Variants in PDCL3 observed in about 807,000 individuals in gnomAD.
PDCL3 encodes the protein phosducin like 3.
PDCL3 carries 22 observed loss-of-function variants against 26.5 expected under a neutral mutation model. That is an observed-to-expected ratio of 0.83 (90% confidence interval 0.59 to 1.19). The LOEUF (loss-of-function observed/expected upper bound fraction) is 1.19, where lower values mean the gene tolerates loss of function less well. Among genes scored for constraint, PDCL3 ranks in the 50% most tolerant of loss-of-function variants. The probability of loss-of-function intolerance (pLI) is 0.00; values close to 1 mark genes in which losing one functional copy is unlikely to be tolerated. For synonymous variants in PDCL3, 81 were observed against 104.9 expected (o/e 0.77, Z 1.39); for missense variants, 246 against 294.1 (o/e 0.84, Z 1.20).
rs1241931414 is a variant in PDCL3 at position 100,576,495 on chromosome 2, G to A, written c.719G>A (p.Ter240=). The stretch of plus-strand genomic sequence containing the variant: ...AGGGACAGCGATTCCGAGGGTGACT[G>A]AGGCTACAGCTTCTATCACATGCCG... ...MKRDSDSEGD[*] is the part of the protein sequence containing the mutation. The change falls in exon 6 of 6, where the codon TGA becomes TAA. Residue 240 remains the stop codon, a stop_retained_variant. Transcript: ENST00000264254. 2 of 1,600,858 alleles carry A rather than the reference G, an allele frequency of 1.2e-6. No individual in the cohort carries two copies.
chr2:100,567,306 C>T (rs573104820), intron 2 of PDCL3, among the ~76,000 whole-genome samples: 1 of 152,296 alleles, frequency 6.6e-6, no homozygotes, highest in African/African-American at 2.4e-5. Flanking sequence ...GTGCTTACTG[C>T]ATGATTATCA....
chr2:100,566,667 A>G, intron 2 of PDCL3, 38 bp downstream of exon 2: 2 of 1,610,396 alleles, frequency 1.2e-6, no homozygotes, highest in Non-Finnish European at 1.7e-6. Context: ...TGTCTGGGTT[A>G]GGAGATGGCT....
chr2:100,571,169 C>T (rs1008151569), intron 4 of PDCL3, among the ~76,000 whole-genome samples: 6 of 151,238 alleles, frequency 4.0e-5, no homozygotes, highest in Non-Finnish European at 8.8e-5. Context: ...GTAATCACAC[C>T]TCCCGAGTAG....
At chr2:100,567,063 G>C (rs1433403562) in intron 2 of PDCL3, among the ~76,000 whole-genome samples, 1 of 152,148 alleles carries the variant, frequency 6.6e-6, no homozygotes, top group Non-Finnish European at 1.5e-5. Context: ...CTCAAAGGCA[G>C]TTGTACTGTC....
Position 100,563,017 on chromosome 2 carries a change from G to A in PDCL3, c.-51G>A, listed in dbSNP as rs747473649. The A allele has an allele frequency of 6.3e-7, 1 of 1,582,380 alleles. No individual in the cohort carries two copies. The highest frequency in any genetic ancestry group is 8.6e-7 in the Non-Finnish European group (1 of 1,164,832). ...TGCGCGTGCACAAAAGAGAGCTGAG[G>A]GGCGGGGGCGCTGCGGCACAGCTGG... is the stretch of plus-strand genomic sequence containing the variant. On this transcript the variant is annotated 5_prime_UTR_variant, in exon 1 of 6. Transcript: ENST00000264254.
intron 5 of PDCL3, chr2:100,572,156 A>G (rs1272832004): frequency 4.2e-6 from 1 of 240,870 alleles, no homozygotes; most frequent in Non-Finnish European, 8.0e-6. Context: ...ATGTATTTGT[A>G]TTTTTCTACA....
At chr2:100,570,406 G>T (rs112427749) in intron 4 of PDCL3, among the ~76,000 whole-genome samples, 2,315 of 151,736 alleles carry the variant, frequency 0.015, 51 homozygotes, top group African/African-American at 0.052. Context: ...GATACTGAGG[G>T]CCTCTGATTT....
intron 5 of PDCL3, 52 bp from the exon 6 acceptor site, chr2:100,576,302 G>A: frequency 6.4e-7 from 1 of 1,570,434 alleles, no homozygotes; most frequent in South Asian, 1.2e-5. Context: ...TAGGGCGAGG[G>A]AACCTTTGCA....
intron 3 of PDCL3, 55 bp downstream of exon 3, chr2:100,569,076 G>T: frequency 1.3e-6 from 2 of 1,529,824 alleles, no homozygotes; most frequent in South Asian, 2.3e-5. Context: ...GTTTTGTTTT[G>T]GTTTTTTTTT....
chr2:100,567,967 CAT>C (rs1205573783), intron 2 of PDCL3, among the ~76,000 whole-genome samples: 1 of 152,130 alleles, frequency 6.6e-6, no homozygotes, highest in Non-Finnish European at 1.5e-5. Flanking sequence ...GGATTACAGA[CAT>C]GTGCCACCAC....
chr2:100,566,028 C>A (rs780834648), intron 1 of PDCL3, among the ~76,000 whole-genome samples: 5 of 152,120 alleles, frequency 3.3e-5, no homozygotes, highest in Admixed American at 3.3e-4. Flanking sequence ...CTCAGCCTCC[C>A]AAGTAGCTGG....
intron 2 of PDCL3, among the ~76,000 whole-genome samples, 184 bp from the exon 3 acceptor site, chr2:100,568,747 G>A (rs1179419982): frequency 6.6e-6 from 1 of 152,110 alleles, no homozygotes; most frequent in African/African-American, 2.4e-5. Context: ...TTACAGGTGT[G>A]AGCCACCATG....
At chr2:100,563,278 G>A (rs531330676) in intron 1 of PDCL3, 3 of 530,868 alleles carry the variant, frequency 5.7e-6, no homozygotes, top group Non-Finnish European at 9.7e-6. Context: ...TCCCCGCCTC[G>A]GTGTGCCGGG....
At chr2:100,570,770 C>G (rs986643110) in intron 4 of PDCL3, among the ~76,000 whole-genome samples, 4 of 152,138 alleles carry the variant, frequency 2.6e-5, no homozygotes, top group African/African-American at 7.2e-5. Context: ...GCCGCTGCAC[C>G]TGGCCAGGAA....
chr2:100,571,568 G>T (rs1379494764), intron 4 of PDCL3, 22 bp from the exon 5 acceptor site: 2 of 1,608,216 alleles, frequency 1.2e-6, no homozygotes, highest in Admixed American at 3.3e-5. Flanking sequence ...AATTGCTTCT[G>T]TTTTCTATGT....
At chr2:100,575,141 G>C (rs1573284712) in intron 5 of PDCL3, among the ~76,000 whole-genome samples, 1 of 152,156 alleles carries the variant, frequency 6.6e-6, no homozygotes, top group Non-Finnish European at 1.5e-5. Context: ...TTGGTTTTCA[G>C]ATTTTTTTTA....
intron 4 of PDCL3, among the ~76,000 whole-genome samples, chr2:100,570,128 A>G (rs979671166): frequency 6.6e-6 from 1 of 152,052 alleles, no homozygotes; most frequent in African/African-American, 2.4e-5. Context: ...TTTTTCTGGT[A>G]CTGAGTTTTT....
chr2:100,569,310 CTG>C (rs1322736142), intron 3 of PDCL3, among the ~76,000 whole-genome samples: 1 of 152,072 alleles, frequency 6.6e-6, no homozygotes, highest in Non-Finnish European at 1.5e-5. Flanking sequence ...TGAGCTGAGA[CTG>C]TGCCACTGCA....
chr2:100,572,976 C>G (rs1026042076), intron 5 of PDCL3, among the ~76,000 whole-genome samples: 4 of 152,066 alleles, frequency 2.6e-5, no homozygotes, highest in African/African-American at 9.7e-5. Context: ...CCTCCACCTT[C>G]TGGTTTCAAG....
Sources: allele counts gnomAD v4.1 joint callset (sites outside exome capture counted in the v4.1 genomes callset), GRCh38; gene constraint gnomAD v4.1.1; transcripts MANE v1.5; gene names NCBI Gene and HGNC (gene_info 2026-07-23, HGNC 2026-07-21).